CCSER1: variants seen among roughly 807,000 people sequenced by gnomAD.
CCSER1 encodes serine-rich coiled-coil domain-containing protein 1.
A neutral mutation model predicts 82.0 loss-of-function variants in CCSER1; 41 were observed. The observed-to-expected ratio is 0.50, with a 90% CI of 0.39 to 0.65. The LOEUF is 0.65. Among genes scored for constraint, CCSER1 ranks in the 30% least tolerant of loss-of-function variants. The pLI, the probability that CCSER1 is intolerant of heterozygous loss-of-function variation, is 0.00. For synonymous variants in CCSER1, 414 were observed against 383.9 expected, an observed-to-expected ratio of 1.08 and a Z score of -0.92; for missense variants, 1,119 against 1,064.2, an observed-to-expected ratio of 1.05 and a Z score of -0.72.
chr4:90,729,201 G>A (rs914316892), intron 7 of CCSER1, among the ~76,000 whole-genome samples: 6 of 152,158 alleles, frequency 3.9e-5, no homozygotes, highest in Non-Finnish European at 7.4e-5. Context: ...ATATGTAACT[G>A]TTGATTATTA....
chr4:90,335,407 G>A (rs1349224848), intron 3 of CCSER1, among the ~76,000 whole-genome samples: 1 of 152,034 alleles, frequency 6.6e-6, no homozygotes, highest in Non-Finnish European at 1.5e-5. Flanking sequence ...AAACATGTCT[G>A]AAGAGAGGTA....
At chr4:91,242,385 T>G (rs1234924492) in intron 10 of CCSER1, among the ~76,000 whole-genome samples, 1 of 152,150 alleles carries the variant, frequency 6.6e-6, no homozygotes, top group Non-Finnish European at 1.5e-5. Flanking sequence ...AAGCAAACAC[T>G]AAAATGACTC....
At chr4:91,430,772 ACT>A (rs758307292) in intron 10 of CCSER1, among the ~76,000 whole-genome samples, 3 of 152,140 alleles carry the variant, frequency 2.0e-5, no homozygotes, top group Non-Finnish European at 4.4e-5. Context: ...ATGAATGCAA[ACT>A]CTGATTCTTT....
intron 8 of CCSER1, among the ~76,000 whole-genome samples, chr4:90,871,284 T>TA (rs199869201): frequency 4.0e-5 from 6 of 151,244 alleles, no homozygotes; most frequent in South Asian, 2.1e-4. Flanking sequence ...GTTCAAGTTT[T>TA]AAAAAAAAAT....
intron 4 of CCSER1, among the ~76,000 whole-genome samples, chr4:90,438,774 T>TCTA: frequency 6.7e-6 from 1 of 150,344 alleles, no homozygotes; most frequent in Non-Finnish European, 1.5e-5. Context: ...TTTTGATATC[T>TCTA]TCTATCTATC....
intron 10 of CCSER1, among the ~76,000 whole-genome samples, chr4:91,333,181 G>A (rs1747077594): frequency 6.6e-6 from 1 of 151,770 alleles, no homozygotes; most frequent in Non-Finnish European, 1.5e-5. Context: ...TACCATTATG[G>A]TTGGATTGAT....
At chr4:90,996,793 C>G (rs907852348) in intron 9 of CCSER1, among the ~76,000 whole-genome samples, 1 of 152,010 alleles carries the variant, frequency 6.6e-6, no homozygotes, top group Non-Finnish European at 1.5e-5. Flanking sequence ...TTTATTAACT[C>G]AGTATAATCC....
intron 10 of CCSER1, among the ~76,000 whole-genome samples, chr4:91,433,150 ATTC>A (rs1754429157): frequency 6.6e-6 from 1 of 152,186 alleles, no homozygotes; most frequent in African/African-American, 2.4e-5. Flanking sequence ...TTGATTAGCA[ATTC>A]TTCTCTTTCA....
At chr4:90,611,916 G>T (rs572373174) in intron 5 of CCSER1, among the ~76,000 whole-genome samples, 7 of 151,252 alleles carry the variant, frequency 4.6e-5, no homozygotes, top group Non-Finnish European at 1.0e-4. Context: ...AATATGATTA[G>T]CACATTTATT....
rs1452460512 is a variant in CCSER1, at chr4:91,012,359, C to T, written c.2173-73591C>T. On this transcript the variant is annotated intron_variant, in intron 9 of 10. Coordinates refer to ENST00000509176, the MANE Select transcript of CCSER1 (RefSeq NM_001145065.2). The stretch of plus-strand genomic sequence containing the variant: ...TCTGCCAAGGCACTCTTTCCCCAGG[C>T]AGCACTGTGCAGCTTTACCTCTGGC... Among the ~76,000 whole-genome samples the T allele has an allele frequency of 1.5e-5, 2 of 134,428 alleles. 1 individual carries two copies. Among genetic ancestry groups the T allele is most frequent in the Non-Finnish European group, 3.5e-5 (2 of 57,700 alleles). The allele number at this position is 134,428 out of a possible 152,430, so 88.2% of individuals were successfully genotyped here.
chr4:91,028,336 G>A (rs1468032688), intron 9 of CCSER1, among the ~76,000 whole-genome samples: 1 of 151,932 alleles, frequency 6.6e-6, no homozygotes, highest in Non-Finnish European at 1.5e-5. Flanking sequence ...GTTGGCTAGA[G>A]TTTGGAGCTG....
intron 1 of CCSER1, among the ~76,000 whole-genome samples, chr4:90,197,686 A>G (rs1736867541): frequency 6.6e-6 from 1 of 152,158 alleles, no homozygotes. Flanking sequence ...ACACAGAAAG[A>G]CAAACATCAC....
intron 10 of CCSER1, among the ~76,000 whole-genome samples, chr4:91,342,313 A>G (rs1747774663): frequency 6.6e-6 from 1 of 152,220 alleles, no homozygotes; most frequent in Non-Finnish European, 1.5e-5. Context: ...AGCTAGACAT[A>G]TTAGCCATTA....
At chr4:90,682,907 A>G (rs1053760979) in intron 6 of CCSER1, 14 of 152,106 alleles carry the variant, frequency 9.2e-5, no homozygotes, top group African/African-American at 3.4e-4. Context: ...AGAAAAAGAT[A>G]ATCTTTCTCA....
intron 10 of CCSER1, among the ~76,000 whole-genome samples, chr4:91,353,103 A>T (rs950279519): frequency 2.0e-5 from 3 of 152,170 alleles, no homozygotes; most frequent in Admixed American, 1.3e-4. Context: ...AATGCAAAGG[A>T]CAATTTCAAC....
In CCSER1 at chr4:91,598,608, A is replaced by C; in HGVS notation, c.2254A>C (p.Ser752Arg). The C allele has an allele frequency of 6.4e-7, 1 of 1,550,440 alleles. No homozygotes were observed. The highest frequency in any genetic ancestry group is 8.7e-7 in the Non-Finnish European group (1 of 1,146,104). The part of the protein sequence containing the change: ...YRNRIVSQNL[S>R]TRDRKAIHTP... ...AAATCGAATTGTGAGCCAAAATCTC[A>C]GCACAAGGGACAGAAAAGCAATACA... The change falls in exon 11 of 11, where the codon AGC becomes CGC. Residue 752 changes from serine (S) to arginine (R), a missense_variant. Coordinates refer to ENST00000509176, the MANE Select transcript of CCSER1 (RefSeq NM_001145065.2).
At chr4:91,213,396 G>A (rs1393594450) in intron 10 of CCSER1, among the ~76,000 whole-genome samples, 1 of 152,060 alleles carries the variant, frequency 6.6e-6, no homozygotes, top group African/African-American at 2.4e-5. Flanking sequence ...AGGTCTCCCA[G>A]CTTCAAGTCT....
At position 91,218,232 on chromosome 4, in the gene CCSER1, C is replaced by T. The variant is rs557071727; in HGVS notation, c.2217+132238C>T. On this transcript the variant is annotated intron_variant, in intron 10 of 10. Coordinates refer to ENST00000509176, the MANE Select transcript of CCSER1 (RefSeq NM_001145065.2). Reference sequence around the variant, plus strand: ...CCCGGGTGCTAAGTCCCCCATTGCCCGGGGCCAGAAGGGTTGGCTGGCTGC... The same window carrying T: ...CCCGGGTGCTAAGTCCCCCATTGCCTGGGGCCAGAAGGGTTGGCTGGCTGC... 2.7e-4 allele frequency among the ~76,000 whole-genome samples: 41 copies of T among 152,328 alleles called. 1 individual carries two copies. The East Asian group carries it at 5.8e-3, about 22-fold the overall frequency.
intron 7 of CCSER1, among the ~76,000 whole-genome samples, chr4:90,732,327 C>A (rs1035999162): frequency 6.6e-6 from 1 of 152,116 alleles, no homozygotes; most frequent in Non-Finnish European, 1.5e-5. Flanking sequence ...ACTACCCCTA[C>A]ATTCAGAGAT....
Sources: allele counts gnomAD v4.1 joint callset (sites outside exome capture counted in the v4.1 genomes callset), GRCh38; gene constraint gnomAD v4.1.1; transcripts MANE v1.5; gene names NCBI Gene and HGNC (gene_info 2026-07-23, HGNC 2026-07-21).